Variants in PSIP1 observed in about 807,000 individuals in gnomAD.
PSIP1 encodes PC4 and SFRS1-interacting protein.
In PSIP1, 19 loss-of-function variants were observed where a neutral mutation model predicts 74.7. That is an observed-to-expected ratio of 0.25 (90% CI 0.18 to 0.37). PSIP1 has a LOEUF of 0.37. PSIP1 is among the 10% of genes least tolerant of loss of function. The probability of loss-of-function intolerance (pLI) is 1.00; values close to 1 mark genes in which losing one functional copy is unlikely to be tolerated. For synonymous variants in PSIP1, 222 were observed against 195.3 expected (o/e 1.14, Z -1.14); for missense variants, 601 against 614.3 (o/e 0.98, Z 0.23).
chr9:15,495,211 A>G (rs2037019019), intron 3 of PSIP1, among the ~76,000 whole-genome samples: 1 of 152,182 alleles, frequency 6.6e-6, no homozygotes, highest in African/African-American at 2.4e-5. Flanking sequence ...AAAATGTTTT[A>G]AAACCTCAAA....
intron 3 of PSIP1, among the ~76,000 whole-genome samples, chr9:15,497,449 C>G (rs994512430): frequency 6.6e-6 from 1 of 151,630 alleles, no homozygotes; most frequent in Admixed American, 6.6e-5. Flanking sequence ...GCCTTAGCCT[C>G]CCAAGTAGCT....
rs1587448557 is a variant in PSIP1 at position 15,466,822 on chromosome 9, A to G, written c.1458T>C (p.Asp486=). Residue 486 remains aspartate, a synonymous_variant, in exon 15 of 16, where the codon GAT becomes GAC. Coordinates refer to ENST00000380733, the MANE Select transcript of PSIP1 (RefSeq NM_033222.5). ...KTLNGGSDAQ[D]GNQPQHNGES... ...CCCCGTTATGTTGTGGCTGATTACC[A>G]TCTTGAGCATCAGATCCTCCATTTA... The G allele has an allele frequency of 6.2e-7, 1 of 1,613,282 alleles. No individual in the cohort carries two copies. The highest frequency in any genetic ancestry group is 8.5e-7 in the Non-Finnish European group (1 of 1,179,772).
chr9:15,509,256 G>A (rs969627268), intron 2 of PSIP1, among the ~76,000 whole-genome samples: 3 of 152,214 alleles, frequency 2.0e-5, no homozygotes, highest in Non-Finnish European at 2.9e-5. Context: ...AAAGGATCTT[G>A]AGTTTACCTA....
chr9:15,489,608 C>CAAAAAAAAAAAAA (rs1278277874), intron 4 of PSIP1, among the ~76,000 whole-genome samples: 1 of 45,530 alleles, frequency 2.2e-5, no homozygotes, highest in Non-Finnish European at 5.1e-5. Context: ...AACTACACCT[C>CAAAAAAAAAAAAA]AAAAAAAAAA....
At chr9:15,472,013 CTAT>C in intron 10 of PSIP1, 1 of 973,162 alleles carries the variant, frequency 1.0e-6, no homozygotes, top group African/African-American at 1.8e-5. Context: ...ATTATCATTG[CTAT>C]TACTTTTCCT....
intron 2 of PSIP1, 123 bp downstream of exon 2, chr9:15,509,994 G>A (rs1237452807): frequency 1.0e-6 from 1 of 997,228 alleles, no homozygotes; most frequent in Admixed American, 2.7e-5. Context: ...GAAAGGTCAG[G>A]TTACAAATGA....
intron 3 of PSIP1, among the ~76,000 whole-genome samples, chr9:15,492,614 G>A (rs1164634590): frequency 2.6e-5 from 4 of 152,154 alleles, no homozygotes; most frequent in South Asian, 2.1e-4. Context: ...GCCCCAGTGC[G>A]GACTCGGTGT....
rs553319221 is a variant in PSIP1, at chr9:15,504,376, CAGG to C, written c.149+2182_149+2184del. The stretch of plus-strand genomic sequence containing the variant: ...TTATATATGAAAATCCTTTTAAATG[CAGG>C]AGAAGGGATAATCATTCCTCTTCTA... On this transcript the variant is annotated intron_variant, in intron 3 of 15. Transcript: ENST00000380733. Among the ~76,000 whole-genome samples the C allele has an allele frequency of 4.6e-5, 7 of 152,112 alleles. No homozygotes were observed. The South Asian group carries it at 1.2e-3, about 27-fold the overall frequency.
At chr9:15,509,956 G>A (rs533913452) in intron 2 of PSIP1, among the ~76,000 whole-genome samples, 161 bp downstream of exon 2, 3 of 152,124 alleles carry the variant, frequency 2.0e-5, no homozygotes, top group African/African-American at 7.2e-5. Context: ...ATAATTACAC[G>A]GGAGATTATT....
intron 6 of PSIP1, 62 bp downstream of exon 6, chr9:15,485,944 T>A: frequency 7.0e-7 from 1 of 1,423,344 alleles, no homozygotes; most frequent in East Asian, 2.3e-5. Flanking sequence ...CTACTCTCCC[T>A]CAACCCAATT....
At chr9:15,503,320 T>C (rs2037430564) in intron 3 of PSIP1, among the ~76,000 whole-genome samples, 1 of 151,544 alleles carries the variant, frequency 6.6e-6, no homozygotes. Flanking sequence ...TGAGCCGAGA[T>C]GGTGCCACTG....
At chr9:15,485,836 A>G (rs967265319) in intron 6 of PSIP1, 170 bp downstream of exon 6, 5 of 547,686 alleles carry the variant, frequency 9.1e-6, no homozygotes, top group African/African-American at 1.9e-5. Context: ...GTGCTATATC[A>G]CTAAGAAAGA....
intron 3 of PSIP1, among the ~76,000 whole-genome samples, chr9:15,502,867 G>C (rs1257627692): frequency 1.3e-5 from 2 of 152,174 alleles, no homozygotes; most frequent in Admixed American, 6.5e-5. Flanking sequence ...TTCAAAACTT[G>C]ATTGCTGAAC....
intron 3 of PSIP1, among the ~76,000 whole-genome samples, chr9:15,491,467 T>A (rs2036829333): frequency 6.6e-6 from 1 of 152,208 alleles, no homozygotes; most frequent in African/African-American, 2.4e-5. Context: ...GTACTACTGA[T>A]CTGGGCTTAC....
At chr9:15,485,586 C>T (rs879791771) in intron 6 of PSIP1, among the ~76,000 whole-genome samples, 2 of 152,180 alleles carry the variant, frequency 1.3e-5, no homozygotes, top group Non-Finnish European at 2.9e-5. Context: ...GTCACTCACA[C>T]TCATTTCTCA....
intron 3 of PSIP1, among the ~76,000 whole-genome samples, chr9:15,499,804 G>A (rs2037246981): frequency 6.6e-6 from 1 of 150,926 alleles, no homozygotes; most frequent in Non-Finnish European, 1.5e-5. Flanking sequence ...AACCCGGGAG[G>A]CAGAGGTTGC....
At chr9:15,503,389 A>C (rs1176459541) in intron 3 of PSIP1, among the ~76,000 whole-genome samples, 1 of 149,620 alleles carries the variant, frequency 6.7e-6, no homozygotes, top group African/African-American at 2.5e-5. Flanking sequence ...ATAAAAAAAT[A>C]AAGTAGCCTG....
intron 3 of PSIP1, among the ~76,000 whole-genome samples, chr9:15,495,671 T>C (rs997299026): frequency 2.0e-5 from 3 of 152,092 alleles, no homozygotes; most frequent in Non-Finnish European, 4.4e-5. Flanking sequence ...ACTGTCATAC[T>C]CCTAAGTTTA....
chr9:15,477,446 T>TA (rs2036139721), intron 8 of PSIP1, among the ~76,000 whole-genome samples: 1 of 152,328 alleles, frequency 6.6e-6, no homozygotes, highest in Non-Finnish European at 1.5e-5. Context: ...AGTGAAACTC[T>TA]TTAAACATAT....
Sources: allele counts gnomAD v4.1 joint callset (sites outside exome capture counted in the v4.1 genomes callset), GRCh38; gene constraint gnomAD v4.1.1; transcripts MANE v1.5; gene names NCBI Gene and HGNC (gene_info 2026-07-23, HGNC 2026-07-21).